LINGO2: variants seen among roughly 807,000 people sequenced by gnomAD.
LINGO2 encodes leucine-rich repeat and immunoglobulin-like domain-containing nogo receptor-interacting protein 2.
A neutral mutation model predicts 30.6 loss-of-function variants in LINGO2; 14 were observed. That is an observed-to-expected ratio of 0.46 (90% CI 0.30 to 0.72). The LOEUF (loss-of-function observed/expected upper bound fraction) is 0.72, where lower values mean the gene tolerates loss of function less well. LINGO2 is among the 30% of genes least tolerant of loss of function. The pLI is 0.07. For synonymous variants in LINGO2, 317 were observed against 288.5 expected (o/e 1.10, Z -1.00); for missense variants, 729 against 751.7 (o/e 0.97, Z 0.35).
intron 1 of LINGO2, among the ~76,000 whole-genome samples, chr9:28,632,956 A>G (rs957040351): frequency 2.0e-4 from 29 of 148,266 alleles, no homozygotes; most frequent in African/African-American, 6.8e-4. Context: ...AGGTCCCAAA[A>G]TAGGTTGTCT....
chr9:28,678,303 T>C, the LINGO2 span, among the ~76,000 whole-genome samples: 7 of 152,140 alleles, frequency 4.6e-5, no homozygotes, highest in Non-Finnish European at 8.8e-5. Context: ...AGCCCTTACA[T>C]GGGCTGTTGG....
At position 27,981,549 on chromosome 9, in the gene LINGO2, AAG is replaced by A. The variant is rs1470267019; in HGVS notation, c.-36+30804_-36+30805del. Among the ~76,000 whole-genome samples, 15 of 119,344 alleles carry A rather than the reference AAG, an allele frequency of 1.3e-4. 1 individual carries two copies. The highest frequency in any genetic ancestry group is 7.2e-4 in the East Asian group (2 of 2,788). The allele number at this position is 119,344 out of a possible 152,430, so 78.3% of individuals were successfully genotyped here. On this transcript the variant is annotated intron_variant, in intron 5 of 5. Transcript: ENST00000379992. ...ACGAGGATGGCAAAAAAAAAAAAAA[AAG>A]AAAAAAAAGAAAAAAAAAGAAAAAA...
At chr9:29,082,819 G>C in the LINGO2 span, among the ~76,000 whole-genome samples, 5 of 152,076 alleles carry the variant, frequency 3.3e-5, no homozygotes, top group African/African-American at 1.2e-4. Flanking sequence ...GCAGCCAACA[G>C]ATACATGAAA....
intron 2 of LINGO2, among the ~76,000 whole-genome samples, chr9:28,420,036 T>C (rs1447026921): frequency 1.3e-5 from 2 of 152,042 alleles, no homozygotes; most frequent in Non-Finnish European, 2.9e-5. Flanking sequence ...TATATCAAAG[T>C]TAAGAAGGCC....
At chr9:28,590,525 C>G (rs1300419773) in intron 1 of LINGO2, among the ~76,000 whole-genome samples, 6 of 151,956 alleles carry the variant, frequency 3.9e-5, no homozygotes, top group East Asian at 1.9e-4. Context: ...CTCAGAAGAA[C>G]ACATTTATGC....
chr9:28,970,505 T>C, the LINGO2 span, among the ~76,000 whole-genome samples: 1 of 152,040 alleles, frequency 6.6e-6, no homozygotes, highest in Non-Finnish European at 1.5e-5. Context: ...AAATCTCGAA[T>C]CGCTAATGCA....
At chr9:28,488,141 T>A (rs2135254115) in intron 1 of LINGO2, among the ~76,000 whole-genome samples, 1 of 152,234 alleles carries the variant, frequency 6.6e-6, no homozygotes, top group South Asian at 2.1e-4. Flanking sequence ...TGATTTTGAG[T>A]AGCAAAAAAG....
intron 3 of LINGO2, among the ~76,000 whole-genome samples, chr9:28,356,656 T>A (rs1820220976): frequency 6.6e-6 from 1 of 152,186 alleles, no homozygotes; most frequent in East Asian, 1.9e-4. Context: ...TCAAATGTTC[T>A]ACCACCTGAA....
intron 1 of LINGO2, among the ~76,000 whole-genome samples, chr9:28,559,543 G>A (rs1466787966): frequency 6.6e-6 from 1 of 152,064 alleles, no homozygotes; most frequent in Non-Finnish European, 1.5e-5. Context: ...CATGGCCACT[G>A]ACGGCCTTTG....
intron 1 of LINGO2, among the ~76,000 whole-genome samples, chr9:28,519,369 T>A (rs1306772470): frequency 1.3e-5 from 2 of 152,170 alleles, no homozygotes; most frequent in African/African-American, 4.8e-5. Context: ...TTTATTGTCT[T>A]CATCTCTTAA....
the LINGO2 span, among the ~76,000 whole-genome samples, chr9:28,742,281 T>TTTA: frequency 0.017 from 2,493 of 147,138 alleles, 38 homozygotes; most frequent in Non-Finnish European, 0.024. Context: ...TTTTTTTTTT[T>TTTA]AATTTCTGCA....
intron 5 of LINGO2, among the ~76,000 whole-genome samples, chr9:27,968,614 G>A (rs1820211666): frequency 6.6e-6 from 1 of 151,788 alleles, no homozygotes; most frequent in Non-Finnish European, 1.5e-5. Flanking sequence ...TTTAAAAAAT[G>A]TTTTCAATGC....
intron 1 of LINGO2, among the ~76,000 whole-genome samples, chr9:28,657,395 C>T (rs1405153889): frequency 6.6e-6 from 1 of 151,348 alleles, no homozygotes; most frequent in African/African-American, 2.4e-5. Flanking sequence ...TTATTTTTTT[C>T]CTTGAGAAGG....
chr9:28,489,186 A>G (rs1826288119), intron 1 of LINGO2, among the ~76,000 whole-genome samples: 1 of 152,158 alleles, frequency 6.6e-6, no homozygotes, highest in African/African-American at 2.4e-5. Context: ...TGATCATGAT[A>G]TCACACTTTA....
At chr9:28,809,550 C>G in the LINGO2 span, among the ~76,000 whole-genome samples, 1 of 152,082 alleles carries the variant, frequency 6.6e-6, no homozygotes, top group African/African-American at 2.4e-5. Context: ...TCGGGACCAG[C>G]CTGGCCAACA....
chr9:28,827,853 A>T, the LINGO2 span, among the ~76,000 whole-genome samples: 17 of 152,116 alleles, frequency 1.1e-4, no homozygotes, highest in Non-Finnish European at 1.9e-4. Context: ...TGACCATAAC[A>T]CTGATGTGAA....
At chr9:28,111,232 A>C (rs561838701) in intron 4 of LINGO2, among the ~76,000 whole-genome samples, 1 of 152,038 alleles carries the variant, frequency 6.6e-6, no homozygotes, top group Non-Finnish European at 1.5e-5. Flanking sequence ...ACCCGGGCCT[A>C]TCGGGGGCTT....
intron 1 of LINGO2, among the ~76,000 whole-genome samples, chr9:28,667,856 G>C (rs1588048529): frequency 6.6e-6 from 1 of 152,148 alleles, no homozygotes; most frequent in African/African-American, 2.4e-5. Context: ...ACTGTGGACT[G>C]AGCTAACAGT....
chr9:28,946,844 A>G, the LINGO2 span, among the ~76,000 whole-genome samples: 2 of 152,124 alleles, frequency 1.3e-5, no homozygotes, highest in Non-Finnish European at 2.9e-5. Flanking sequence ...CCAAGGCATC[A>G]CTGTTGAATA....
Sources: gnomAD v4.1 joint callset for allele counts (sites outside exome capture counted in the v4.1 genomes callset) on GRCh38, gnomAD v4.1.1 for gene constraint, MANE v1.5 for transcripts, NCBI Gene and HGNC (gene_info 2026-07-23, HGNC 2026-07-21) for gene names.